The following CACNA2D3 variants were observed in gnomAD, a reference collection of about 807,000 sequenced individuals.
The protein encoded by CACNA2D3 is calcium voltage-gated channel auxiliary subunit alpha2delta 3.
In CACNA2D3, 60 loss-of-function variants were observed where a neutral mutation model predicts 160.6. That is an observed-to-expected ratio of 0.37 (90% CI 0.30 to 0.46). The LOEUF is 0.46. Ranked by LOEUF, CACNA2D3 falls within the 20% of genes least tolerant of loss-of-function variation. CACNA2D3 has a pLI of 1.00. For synonymous variants in CACNA2D3, 558 were observed against 492.9 expected (o/e 1.13, Z -1.75); for missense variants, 1,205 against 1,365.0 (o/e 0.88, Z 1.85).
chr3:55,025,596 T>TGCACTCCA (rs1237122016), intron 35 of CACNA2D3, among the ~76,000 whole-genome samples: 18 of 132,390 alleles, frequency 1.4e-4, no homozygotes, highest in Non-Finnish European at 6.1e-5. Flanking sequence ...ATTGCGCCAC[T>TGCACTCCA]GCACTCCAGC....
intron 5 of CACNA2D3, among the ~76,000 whole-genome samples, chr3:54,518,040 G>A (rs977002725): frequency 6.6e-6 from 1 of 152,202 alleles, no homozygotes; most frequent in Non-Finnish European, 1.5e-5. Context: ...AGCACAGTGG[G>A]CTCCCATAAG....
chr3:54,951,502 T>C lies in CACNA2D3; in HGVS notation c.2450-16948T>C, dbSNP rs139841230. ...TGGGGGGCTGCTGTCCTGTGAGTTGTAGGATTTCAGTTACTGTGAACTTTG... is the reference window on the plus strand; with the variant it reads ...TGGGGGGCTGCTGTCCTGTGAGTTGCAGGATTTCAGTTACTGTGAACTTTG... On this transcript the variant is annotated intron_variant, in intron 27 of 37. Transcript: ENST00000474759. 3.1e-3 allele frequency among the ~76,000 whole-genome samples: 474 copies of C among 152,314 alleles called. 7 individuals carry two copies. Among genetic ancestry groups the C allele is most frequent in the Non-Finnish European group, 9.8e-4 (67 of 68,038 alleles).
intron 11 of CACNA2D3, among the ~76,000 whole-genome samples, chr3:54,647,502 C>G (rs1699674925): frequency 6.6e-6 from 1 of 152,208 alleles, no homozygotes; most frequent in African/African-American, 2.4e-5. Flanking sequence ...GTTCTCCTCT[C>G]CATGGGCTTT....
chr3:54,126,144 C>T (rs1388623001), intron 2 of CACNA2D3, among the ~76,000 whole-genome samples: 1 of 152,166 alleles, frequency 6.6e-6, no homozygotes, highest in Admixed American at 6.5e-5. Flanking sequence ...TATGTAGTTT[C>T]ACTAATTGAC....
At chr3:54,603,251 G>GC (rs775770102) in intron 9 of CACNA2D3, among the ~76,000 whole-genome samples, 1 of 152,294 alleles carries the variant, frequency 6.6e-6, no homozygotes. Flanking sequence ...AAGAAGCGCT[G>GC]CCCCCCACCA....
chr3:54,169,810 A>G (rs997568821), intron 2 of CACNA2D3, among the ~76,000 whole-genome samples: 2 of 151,974 alleles, frequency 1.3e-5, no homozygotes, highest in African/African-American at 2.4e-5. Context: ...CATTTCCTAT[A>G]TAAGGTGGAG....
chr3:54,278,829 T>C (rs982880288), intron 2 of CACNA2D3, among the ~76,000 whole-genome samples: 2 of 151,308 alleles, frequency 1.3e-5, no homozygotes, highest in African/African-American at 2.4e-5. Flanking sequence ...CACCAGGGCC[T>C]GTCGGGGGAT....
At chr3:54,902,356 A>G (rs1700354387) in intron 27 of CACNA2D3, among the ~76,000 whole-genome samples, 1 of 152,080 alleles carries the variant, frequency 6.6e-6, no homozygotes, top group Non-Finnish European at 1.5e-5. Context: ...TCTTTTTTAA[A>G]CAAAAACATT....
At chr3:55,033,721 T>C (rs1287980631) in intron 35 of CACNA2D3, among the ~76,000 whole-genome samples, 1 of 126,252 alleles carries the variant, frequency 7.9e-6, no homozygotes, top group East Asian at 2.1e-4. Context: ...ATATATTATA[T>C]ATTAAATATA....
chr3:54,654,895 C>G (rs1046446027), intron 11 of CACNA2D3, among the ~76,000 whole-genome samples: 2 of 152,176 alleles, frequency 1.3e-5, no homozygotes, highest in Admixed American at 1.3e-4. Context: ...ACAGGAAGAT[C>G]CCTCTCCCTC....
At chr3:54,863,438 C>G (rs997494225) in intron 17 of CACNA2D3, among the ~76,000 whole-genome samples, 1 of 152,168 alleles carries the variant, frequency 6.6e-6, no homozygotes, top group Non-Finnish European at 1.5e-5. Flanking sequence ...GTCCTGTTCT[C>G]TGTCCCATTG....
chr3:54,996,170 G>C (rs1227322696), intron 31 of CACNA2D3, among the ~76,000 whole-genome samples: 1 of 152,222 alleles, frequency 6.6e-6, no homozygotes, highest in Non-Finnish European at 1.5e-5. Context: ...CAGTTGCTAT[G>C]AAATATGGAC....
At chr3:54,616,363 G>A (rs1559527434) in intron 9 of CACNA2D3, among the ~76,000 whole-genome samples, 1 of 152,192 alleles carries the variant, frequency 6.6e-6, no homozygotes, top group Non-Finnish European at 1.5e-5. Flanking sequence ...TTACTCCATG[G>A]CATCTCCCCA....
At chr3:54,353,883 C>A (rs1488737710) in intron 3 of CACNA2D3, among the ~76,000 whole-genome samples, 1 of 152,158 alleles carries the variant, frequency 6.6e-6, no homozygotes, top group Admixed American at 6.5e-5. Flanking sequence ...ATGCTTGGTT[C>A]TGTACTAAGG....
At chr3:54,686,856 C>T (rs1047513982) in intron 11 of CACNA2D3, among the ~76,000 whole-genome samples, 2 of 151,946 alleles carry the variant, frequency 1.3e-5, no homozygotes, top group Non-Finnish European at 2.9e-5. Flanking sequence ...TTTCAAGGCT[C>T]GAGAATTTAT....
intron 13 of CACNA2D3, among the ~76,000 whole-genome samples, chr3:54,808,720 C>T (rs764568150): frequency 6.6e-6 from 1 of 152,160 alleles, no homozygotes; most frequent in Non-Finnish European, 1.5e-5. Context: ...AGTAATAACA[C>T]TATTAGTAGA....
intron 4 of CACNA2D3, among the ~76,000 whole-genome samples, chr3:54,403,399 G>A (rs950881067): frequency 1.2e-3 from 135 of 114,744 alleles, no homozygotes; most frequent in Middle Eastern, 4.5e-3. Context: ...ACACACACAC[G>A]CACACACAAT....
At chr3:54,446,820 C>G (rs1388637988) in intron 4 of CACNA2D3, among the ~76,000 whole-genome samples, 1 of 152,106 alleles carries the variant, frequency 6.6e-6, no homozygotes, top group East Asian at 1.9e-4. Flanking sequence ...CCTCCCCTCC[C>G]TCCCCACTGA....
intron 2 of CACNA2D3, among the ~76,000 whole-genome samples, chr3:54,142,406 A>G (rs1382698093): frequency 1.3e-5 from 2 of 152,174 alleles, no homozygotes; most frequent in Non-Finnish European, 2.9e-5. Context: ...CTCAGTTGCT[A>G]CTGCCTTCAG....
Sources: gnomAD v4.1 joint callset for allele counts (sites outside exome capture counted in the v4.1 genomes callset) on GRCh38, gnomAD v4.1.1 for gene constraint, MANE v1.5 for transcripts, NCBI Gene and HGNC (gene_info 2026-07-23, HGNC 2026-07-21) for gene names.